Variants in P2RY12 observed in about 807,000 individuals in gnomAD.
P2RY12 encodes P2Y purinoceptor 12.
P2RY12 carries 3 observed loss-of-function variants against 4.5 expected under a neutral mutation model. That is an observed-to-expected ratio of 0.67 (90% CI 0.31 to 1.74). The LOEUF is 1.74. Among genes scored for constraint, P2RY12 ranks in the 40% most tolerant of loss-of-function variants. The probability of loss-of-function intolerance (pLI) is 0.09; values close to 1 mark genes in which losing one functional copy is unlikely to be tolerated. For missense variants in P2RY12, 356 were observed against 407.8 expected, an observed-to-expected ratio of 0.87 and a Z score of 1.09; for synonymous variants, 148 against 154.1, an observed-to-expected ratio of 0.96 and a Z score of 0.29.
intron 1 of P2RY12, chr3:151,367,714 T>C: frequency 6.2e-7 from 1 of 1,612,200 alleles, no homozygotes; most frequent in East Asian, 2.2e-5. Context: ...GACAGTGTTT[T>C]TCCCTGGAGG....
At chr3:151,353,572 C>T (rs958424214) in intron 1 of P2RY12, among the ~76,000 whole-genome samples, 1 of 152,200 alleles carries the variant, frequency 6.6e-6, no homozygotes, top group African/African-American at 2.4e-5. Flanking sequence ...TAGAAAAGAA[C>T]CAGCCTTGTG....
chr3:151,379,510 C>T (rs1028677987), intron 1 of P2RY12, among the ~76,000 whole-genome samples: 3 of 152,192 alleles, frequency 2.0e-5, no homozygotes, highest in African/African-American at 7.2e-5. Flanking sequence ...GTGGATGCTG[C>T]GGGCTATGTT....
chr3:151,368,345 C>G lies in P2RY12; in HGVS notation c.-180+16347G>C. Reference sequence around the variant, plus strand: ...GGCTGTCCCTTTCTGTAATTGCCTTCTTAATTTTTTGGGCATGCCCTGGGG... The same window carrying G: ...GGCTGTCCCTTTCTGTAATTGCCTTGTTAATTTTTTGGGCATGCCCTGGGG... On this transcript the variant is annotated intron_variant, in intron 1 of 2. Coordinates refer to ENST00000302632, the MANE Select transcript of P2RY12 (RefSeq NM_022788.5). 4 of 1,135,358 alleles carry G rather than the reference C, an allele frequency of 3.5e-6. No individual in the cohort carries two copies. In the South Asian group the frequency reaches 5.2e-5, roughly 15 times the overall value. The allele number at this position is 1,135,358 out of a possible 1,614,324, so 70.3% of individuals were successfully genotyped here.
rs1432526975 is a variant in P2RY12, at chr3:151,374,099, A to G, written c.-180+10593T>C. On this transcript the variant is annotated intron_variant, in intron 1 of 2. Coordinates refer to ENST00000302632, the MANE Select transcript of P2RY12 (RefSeq NM_022788.5). ...TCATATTAGTATCACCTTCTTCCCT[A>G]GTAAGAATGCTGATTCCCAAAAACG... is the stretch of plus-strand genomic sequence containing the variant. Among the ~76,000 whole-genome samples the G allele has an allele frequency of 2.0e-5, 3 of 152,302 alleles. No homozygotes were observed. The East Asian group carries it at 5.8e-4, about 29-fold the overall frequency.
At chr3:151,351,026 A>G (rs1431777523) in intron 1 of P2RY12, among the ~76,000 whole-genome samples, 1 of 152,228 alleles carries the variant, frequency 6.6e-6, no homozygotes, top group Non-Finnish European at 1.5e-5. Context: ...AAGGAAAAAG[A>G]AAGTTTGTGT....
intron 1 of P2RY12, among the ~76,000 whole-genome samples, chr3:151,345,835 GA>G (rs1358391106): frequency 6.6e-6 from 1 of 152,026 alleles, no homozygotes; most frequent in East Asian, 1.9e-4. Context: ...CTACTTGTAT[GA>G]AAAACTGATG....
chr3:151,338,014 AG>A lies in P2RY12; in HGVS notation c.831del (p.Tyr278MetfsTer2). ...AACCACAGAGTGCTCTCTTTCACAT[AG>A]AACAGAGTATTTTCAGCAGTGCAGT... Reference protein sequence around the residue: ...VFDCTAENTLFYVKESTLWLT... With the variant: ...VFDCTAENTLXYVKESTLWLT... On this transcript the variant is annotated frameshift_variant, in exon 3 of 3. Coordinates refer to ENST00000302632, the MANE Select transcript of P2RY12 (RefSeq NM_022788.5). LOFTEE classifies it low-confidence loss of function (END_TRUNC). 6.2e-7 allele frequency: 1 copy of A among 1,614,132 alleles called. No individual in the cohort carries two copies. The highest frequency in any genetic ancestry group is 1.1e-5 in the South Asian group (1 of 91,078).
At chr3:151,354,013 C>T (rs1753592814) in intron 1 of P2RY12, among the ~76,000 whole-genome samples, 2 of 101,892 alleles carry the variant, frequency 2.0e-5, no homozygotes, top group Non-Finnish European at 3.7e-5. Context: ...TAGTGGCGGG[C>T]GCCTGTAGTC....
chr3:151,361,309 C>T (rs12487835), intron 1 of P2RY12, among the ~76,000 whole-genome samples: 31,139 of 151,822 alleles, frequency 0.21, 3,426 homozygotes, highest in South Asian at 0.31. Flanking sequence ...TTAAAATGAC[C>T]AGTACCCTCA....
intron 1 of P2RY12, chr3:151,349,932 G>C: frequency 2.9e-6 from 2 of 681,154 alleles, no homozygotes; most frequent in South Asian, 5.9e-5. Context: ...GAGGTGAATT[G>C]AAGGGAGGGC....
chr3:151,348,778 T>C (rs2150010711), intron 1 of P2RY12, among the ~76,000 whole-genome samples: 1 of 152,228 alleles, frequency 6.6e-6, no homozygotes, highest in East Asian at 1.9e-4. Flanking sequence ...GTAACAGAAT[T>C]GGAGAGAGAA....
At chr3:151,379,989 G>T (rs1711960955) in intron 1 of P2RY12, 9 of 573,490 alleles carry the variant, frequency 1.6e-5, no homozygotes, top group East Asian at 9.6e-5. Context: ...AAATTTTCAA[G>T]CAGTCTTTGG....
intron 1 of P2RY12, among the ~76,000 whole-genome samples, chr3:151,383,538 CCACATTCAGATACT>C (rs1479099978): frequency 2.0e-5 from 3 of 152,090 alleles, no homozygotes; most frequent in Non-Finnish European, 4.4e-5. Context: ...TTATTGGTGC[CCACATTCAGATACT>C]CACGTCCCTT....
At chr3:151,347,802 A>AC (rs1752712833) in intron 1 of P2RY12, among the ~76,000 whole-genome samples, 1 of 152,196 alleles carries the variant, frequency 6.6e-6, no homozygotes, top group Non-Finnish European at 1.5e-5. Flanking sequence ...CAAAAACCTT[A>AC]CAAGGAAGCG....
intron 1 of P2RY12, among the ~76,000 whole-genome samples, chr3:151,356,416 T>A (rs1007840254): frequency 3.9e-5 from 6 of 151,988 alleles, no homozygotes; most frequent in East Asian, 1.9e-4. Flanking sequence ...AAATAAAATT[T>A]AAAAAATAAA....
At chr3:151,372,492 A>G (rs1756316199) in intron 1 of P2RY12, 1 of 1,052,696 alleles carries the variant, frequency 9.5e-7, no homozygotes. Context: ...CCTGAATGCT[A>G]TCCTCATTTG....
intron 1 of P2RY12, among the ~76,000 whole-genome samples, chr3:151,366,546 G>A (rs1755299883): frequency 6.6e-6 from 1 of 152,192 alleles, no homozygotes; most frequent in Admixed American, 6.5e-5. Context: ...TGGATATCAT[G>A]TTGCATCCAT....
intron 1 of P2RY12, among the ~76,000 whole-genome samples, chr3:151,354,130 G>C (rs1753622591): frequency 1.0e-5 from 1 of 95,408 alleles, no homozygotes; most frequent in Admixed American, 1.8e-4. Context: ...GACAGAGCGA[G>C]ACTCCGTCTC....
chr3:151,338,619 G>A lies in P2RY12; in HGVS notation c.227C>T (p.Thr76Ile), dbSNP rs1044138755. The change falls in exon 3 of 3, where the codon ACT becomes ATT. Residue 76 changes from threonine to isoleucine, a missense_variant. Transcript: ENST00000302632. Reference protein sequence around the residue: ...TVISDLLMILTFPFKILSDAK... With the variant: ...TVISDLLMILIFPFKILSDAK... The stretch of plus-strand genomic sequence containing the variant: ...ATCACTAAGAATTTTGAATGGAAAA[G>A]TCAGAATCATGAGAAGATCAGAAAT... 4 of 1,613,988 alleles carry A rather than the reference G, an allele frequency of 2.5e-6. No individual in the cohort carries two copies. Among genetic ancestry groups the A allele is most frequent in the Non-Finnish European group, 3.4e-6 (4 of 1,179,992 alleles).
Sources: allele counts gnomAD v4.1 joint callset (sites outside exome capture counted in the v4.1 genomes callset), GRCh38; gene constraint gnomAD v4.1.1; transcripts MANE v1.5; gene names NCBI Gene and HGNC (gene_info 2026-07-23, HGNC 2026-07-21).